The following FKTN variants were observed in gnomAD, a reference collection of about 807,000 sequenced individuals.
FKTN encodes the protein fukutin.
FKTN carries 47 observed loss-of-function variants against 58.6 expected under a neutral mutation model. The ratio of observed to expected loss-of-function variants is 0.80; its 90% CI spans 0.63 to 1.02. The LOEUF (loss-of-function observed/expected upper bound fraction) is 1.02. Among genes scored for constraint, FKTN ranks in the 50% least tolerant of loss-of-function variants. FKTN has a pLI of 0.00. For synonymous variants in FKTN, 178 were observed against 191.9 expected (o/e 0.93, Z 0.60); for missense variants, 516 against 537.3 (o/e 0.96, Z 0.39).
At chr9:105,579,391 A>G (rs1192278957) in intron 3 of FKTN, among the ~76,000 whole-genome samples, 1 of 152,032 alleles carries the variant, frequency 6.6e-6, no homozygotes, top group Non-Finnish European at 1.5e-5. Flanking sequence ...GTTTCAAAGA[A>G]CATCTTTATT....
intron 1 of FKTN, among the ~76,000 whole-genome samples, chr9:105,559,743 G>A (rs148419373): frequency 0.02 from 3,009 of 152,206 alleles, 39 homozygotes; most frequent in Non-Finnish European, 0.033. Flanking sequence ...GCAGGAAATA[G>A]AGTTGAAAAT....
intron 1 of FKTN, among the ~76,000 whole-genome samples, chr9:105,558,916 T>C (rs1403497687): frequency 6.6e-6 from 1 of 152,110 alleles, no homozygotes; most frequent in African/African-American, 2.4e-5. Flanking sequence ...ATTCTATTTG[T>C]GGACATAAGT....
chr9:105,576,007 G>C (rs1388880004), intron 3 of FKTN, among the ~76,000 whole-genome samples: 1 of 152,044 alleles, frequency 6.6e-6, no homozygotes, highest in Non-Finnish European at 1.5e-5. Context: ...CCAAAGCATA[G>C]CTGCCCAGCT....
intron 4 of FKTN, among the ~76,000 whole-genome samples, chr9:105,600,322 AATTT>A (rs1272805934): frequency 6.6e-6 from 1 of 152,092 alleles, no homozygotes; most frequent in Non-Finnish European, 1.5e-5. Flanking sequence ...TCTGAATAAG[AATTT>A]ATTCTTAATT....
At chr9:105,609,748 C>A (rs898875586) in intron 7 of FKTN, among the ~76,000 whole-genome samples, 19 of 151,986 alleles carry the variant, frequency 1.3e-4, no homozygotes, top group African/African-American at 4.4e-4. Flanking sequence ...AGAAGTGGTG[C>A]TGTGTTCTCA....
At chr9:105,609,899 C>T (rs757380522) in intron 7 of FKTN, among the ~76,000 whole-genome samples, 3 of 152,174 alleles carry the variant, frequency 2.0e-5, no homozygotes, top group Non-Finnish European at 4.4e-5. Context: ...TAATAATAAG[C>T]ATCTGGCAAG....
intron 1 of FKTN, among the ~76,000 whole-genome samples, chr9:105,568,023 TAAAAAC>T (rs1564197156): frequency 6.6e-6 from 1 of 151,986 alleles, no homozygotes; most frequent in South Asian, 2.1e-4. Flanking sequence ...ACAAAACTGA[TAAAAAC>T]AAGAAATGGG....
At chr9:105,564,978 A>G (rs878995666) in intron 1 of FKTN, among the ~76,000 whole-genome samples, 1 of 152,224 alleles carries the variant, frequency 6.6e-6, no homozygotes, top group Non-Finnish European at 1.5e-5. Context: ...GCCAGAAGAG[A>G]GTGTGGGCCA....
chr9:105,569,475 A>T (rs1840347921), intron 1 of FKTN, among the ~76,000 whole-genome samples: 1 of 152,176 alleles, frequency 6.6e-6, no homozygotes, highest in Non-Finnish European at 1.5e-5. Context: ...TGACCAAGAA[A>T]AGATGAAAGG....
In FKTN at chr9:105,577,944, G is replaced by C. The variant is rs142790370; in HGVS notation, c.105+2807G>C. 9.7e-4 allele frequency among the ~76,000 whole-genome samples: 147 copies of C among 151,932 alleles called. 3 individuals carry two copies. The highest frequency in any genetic ancestry group is 3.3e-3 in the African/African-American group (135 of 41,222). On this transcript the variant is annotated intron_variant, in intron 3 of 10. Coordinates refer to ENST00000357998, the MANE Select transcript of FKTN (RefSeq NM_001079802.2). ...CTCTTTGAAGCAATTATGAATAGGA[G>C]TTCACTTATGATTTGGCTCTCTGTT...
intron 3 of FKTN, among the ~76,000 whole-genome samples, chr9:105,582,287 C>T (rs1002882174): frequency 6.6e-6 from 1 of 152,044 alleles, no homozygotes; most frequent in Non-Finnish European, 1.5e-5. Flanking sequence ...GAATCTGGGG[C>T]TCAAGCAGTA....
At chr9:105,591,975 G>A (rs1175973639) in intron 3 of FKTN, among the ~76,000 whole-genome samples, 1 of 152,242 alleles carries the variant, frequency 6.6e-6, no homozygotes. Context: ...AACTAGAGCA[G>A]CTGGAATGCA....
At chr9:105,599,147 T>TA (rs1390961370) in intron 4 of FKTN, among the ~76,000 whole-genome samples, 1 of 152,172 alleles carries the variant, frequency 6.6e-6, no homozygotes, top group Non-Finnish European at 1.5e-5. Flanking sequence ...TTCATCAAGT[T>TA]GAGGATGTAT....
At position 105,638,099 on chromosome 9, in the gene FKTN, A is replaced by G. The variant is rs1834164350; in HGVS notation, c.*2835A>G. The G allele has an allele frequency of 7.2e-6, 7 of 972,832 alleles. No individual in the cohort carries two copies. In the South Asian group the frequency reaches 1.9e-4, roughly 26 times the overall value. The allele number at this position is 972,832 out of a possible 1,614,324, so 60.3% of individuals were successfully genotyped here. A position where few individuals can be genotyped will look rare whatever the true frequency, so the allele number is the denominator to read the frequency against. On this transcript the variant is annotated 3_prime_UTR_variant, in exon 11 of 11. Transcript: ENST00000357998. ...TTCTTTTTAAACCCTCTTATTTTATAACTAAATAAATAATCACAGAAAAGA... is the reference window on the plus strand; with the variant it reads ...TTCTTTTTAAACCCTCTTATTTTATGACTAAATAAATAATCACAGAAAAGA...
rs1242717072 is a variant in FKTN at position 105,635,174 on chromosome 9, G to T, written c.1296G>T (p.Lys432Asn). The change falls in exon 11 of 11, where the codon AAG becomes AAT. Residue 432 changes from lysine (K) to asparagine (N), a missense_variant. Lys to Asn is a moderately conservative substitution (Grantham distance 94, BLOSUM62 0). Coordinates refer to ENST00000357998, the MANE Select transcript of FKTN (RefSeq NM_001079802.2). ...NYGKTWKIPV[K>N]TWDWKRSPPN... The stretch of plus-strand genomic sequence containing the variant: ...GTAAGACCTGGAAGATTCCTGTAAA[G>T]ACGTGGGACTGGAAGCGCTCTCCTC... The T allele has an allele frequency of 6.2e-7, 1 of 1,614,084 alleles. No homozygotes were observed. Among genetic ancestry groups the T allele is most frequent in the Non-Finnish European group, 8.5e-7 (1 of 1,180,034 alleles).
At chr9:105,578,594 G>T (rs535106162) in intron 3 of FKTN, among the ~76,000 whole-genome samples, 1 of 151,430 alleles carries the variant, frequency 6.6e-6, no homozygotes, top group Admixed American at 6.6e-5. Context: ...GAGGATTTTT[G>T]CATCAATGTT....
In FKTN at chr9:105,624,623, C is replaced by CAA. The variant is rs779770311; in HGVS notation, c.1172+4579_1172+4580dup. On this transcript the variant is annotated intron_variant, in intron 10 of 10. Coordinates refer to ENST00000357998, the MANE Select transcript of FKTN (RefSeq NM_001079802.2). ...TCCAGCCTAGGTGACAGAGCAAAAC[C>CAA]AAAAAAAAAAAAAAAAAAGAAAAAG... Among the ~76,000 whole-genome samples the CAA allele has an allele frequency of 3.0e-4, 21 of 69,202 alleles. No homozygotes were observed. The East Asian group carries it at 3.4e-3, about 11-fold the overall frequency. The allele number at this position is 69,202 out of a possible 152,430, so 45.4% of individuals were successfully genotyped here.
At chr9:105,572,012 G>A (rs1840816029) in intron 1 of FKTN, among the ~76,000 whole-genome samples, 1 of 152,060 alleles carries the variant, frequency 6.6e-6, no homozygotes, top group Non-Finnish European at 1.5e-5. Context: ...TTGGATAAGG[G>A]ATACTAAACC....
intron 5 of FKTN, 103 bp downstream of exon 5, chr9:105,601,451 A>G (rs1273741757): frequency 5.2e-6 from 4 of 774,170 alleles, no homozygotes; most frequent in African/African-American, 1.7e-5. Flanking sequence ...TTCCTGAAAC[A>G]CTTTATAAAT....
Sources: gnomAD v4.1 joint callset for allele counts (sites outside exome capture counted in the v4.1 genomes callset) on GRCh38, gnomAD v4.1.1 for gene constraint, MANE v1.5 for transcripts, NCBI Gene and HGNC (gene_info 2026-07-23, HGNC 2026-07-21) for gene names.